ZNF891: variants seen among roughly 807,000 people sequenced by gnomAD.
ZNF891 encodes the protein hCG1646157.
For synonymous variants in ZNF891, 199 were observed against 209.0 expected, an observed-to-expected ratio of 0.95 and a Z score of 0.41; for missense variants, 589 against 632.7, an observed-to-expected ratio of 0.93 and a Z score of 0.74.
intron 1 of ZNF891, among the ~76,000 whole-genome samples, chr12:133,128,914 C>T (rs373647742): frequency 6.6e-6 from 1 of 150,694 alleles, no homozygotes; most frequent in Non-Finnish European, 1.5e-5. Flanking sequence ...AACAAAAAAA[C>T]CAAAACCAAA....
At chr12:133,126,473 CAAAAAAAAA>C (rs869209894) in intron 1 of ZNF891, among the ~76,000 whole-genome samples, 1 of 58,348 alleles carries the variant, frequency 1.7e-5, no homozygotes, top group Non-Finnish European at 3.3e-5. Flanking sequence ...GACTCCGTCT[CAAAAAAAAA>C]AAAAAAAAAA....
In ZNF891 at chr12:133,118,040, A is replaced by G. The variant is rs7967886; in HGVS notation, c.*2244T>C. 0.62 allele frequency: 93,656 copies of G among 149,984 alleles called. 30,406 individuals carry two copies. The highest frequency in any genetic ancestry group is 0.79 in the African/African-American group (32,438 of 40,942). The allele number at this position is 149,984 out of a possible 1,614,324, so 9.3% of individuals were successfully genotyped here. On this transcript the variant is annotated 3_prime_UTR_variant, in exon 2 of 2. Coordinates refer to ENST00000537226, the MANE Select transcript of ZNF891 (RefSeq NM_001277291.2). ...CATCTCACTGCAACCTCTGCCTCCC[A>G]GGTTCAAGTGATTCTTCTGCCTCAG...
Position 133,120,754 on chromosome 12 carries a change from T to G in ZNF891, c.1165A>C (p.Thr389Pro), listed in dbSNP as rs1214814113. The change falls in exon 2 of 2, where the codon ACA becomes CCA. Residue 389 changes from threonine to proline, a missense_variant. By Grantham distance (38) the Thr-to-Pro change is conservative. Transcript: ENST00000537226. ...GTTCTCATGTGAGCCTTAAGGGATG[T>G]TTTTTGACTGAAAGCTTTTCCACAT... ...NQCGKAFSQK[T>P]SLKAHMRTHT... The G allele has an allele frequency of 1.3e-6, 2 of 1,564,786 alleles. No individual in the cohort carries two copies. The highest frequency in any genetic ancestry group is 1.7e-6 in the Non-Finnish European group (2 of 1,156,116).
At position 133,106,783 on chromosome 12, in the gene ZNF891, T is replaced by C. The variant is rs927306325; in HGVS notation, c.*13501A>G. On this transcript the variant is annotated 3_prime_UTR_variant, in exon 2 of 2. Coordinates refer to ENST00000537226, the MANE Select transcript of ZNF891 (RefSeq NM_001277291.2). ...CTGTGAAGTAATATGGCCCACACTT[T>C]ATTCACCACCCTGGAGAAAAAAAAA... is the stretch of plus-strand genomic sequence containing the variant. The C allele has an allele frequency of 1.3e-6, 1 of 758,642 alleles. No homozygotes were observed. The highest frequency in any genetic ancestry group is 1.8e-5 in the African/African-American group (1 of 55,726). The allele number at this position is 758,642 out of a possible 1,614,324, so 47.0% of individuals were successfully genotyped here. A position where few individuals can be genotyped will look rare whatever the true frequency, so the allele number is the denominator to read the frequency against.
chr12:133,122,052 A>G, intron 1 of ZNF891, 28 bp from the exon 2 acceptor site: 1 of 1,410,036 alleles, frequency 7.1e-7, no homozygotes, highest in East Asian at 2.5e-5. Context: ...AGTTCAGGTA[A>G]AAGAAGAAAG....
Position 133,111,521 on chromosome 12 carries a change from A to G in ZNF891, c.*8763T>C, listed in dbSNP as rs1955682408. 1 of 152,206 alleles carries G rather than the reference A, an allele frequency of 6.6e-6. No individual in the cohort carries two copies. The highest frequency in any genetic ancestry group is 2.1e-4 in the South Asian group (1 of 4,834). 9.4% of individuals were successfully genotyped at this position (152,206 alleles called of 1,614,324 possible). On this transcript the variant is annotated 3_prime_UTR_variant, in exon 2 of 2. Transcript: ENST00000537226. Reference sequence around the variant, plus strand: ...TCAAAAAAAGGGAGAAATAAATATTACAGAAATAATTTTTTAAAATAAATT... The same window carrying G: ...TCAAAAAAAGGGAGAAATAAATATTGCAGAAATAATTTTTTAAAATAAATT...
At chr12:133,123,708 T>G (rs1359634332) in intron 1 of ZNF891, among the ~76,000 whole-genome samples, 1 of 147,656 alleles carries the variant, frequency 6.8e-6, no homozygotes, top group Non-Finnish European at 1.5e-5. Context: ...ATCCTTTGCT[T>G]GAAAAAAAAA....
Position 133,106,134 on chromosome 12 carries a change from C to T in ZNF891, c.*14150G>A. 2 of 1,614,114 alleles carry T rather than the reference C, an allele frequency of 1.2e-6. No homozygotes were observed. Among genetic ancestry groups the T allele is most frequent in the Non-Finnish European group, 1.7e-6 (2 of 1,180,010 alleles). On this transcript the variant is annotated 3_prime_UTR_variant, in exon 2 of 2. Transcript: ENST00000537226. ...TGTGGTAAAGCATTTAGCAGTGGCT[C>T]AGAACTCATTCGCCACCAGATTACA... is the stretch of plus-strand genomic sequence containing the variant.
rs879403008 is a variant in ZNF891 at position 133,109,065 on chromosome 12, G to T, written c.*11219C>A. ...GTGGCTCAAGAAAATTCTTCTTCTG[G>T]TGTAGCCCAGGGAAGCCAAAAGATT... On this transcript the variant is annotated 3_prime_UTR_variant, in exon 2 of 2. Transcript: ENST00000537226. The T allele has an allele frequency of 6.6e-6, 1 of 152,176 alleles. No individual in the cohort carries two copies. Among genetic ancestry groups the T allele is most frequent in the African/African-American group, 2.4e-5 (1 of 41,448 alleles). 9.4% of individuals were successfully genotyped at this position (152,176 alleles called of 1,614,324 possible).
In ZNF891 at chr12:133,121,348, A is replaced by G. The variant is rs1240211839; in HGVS notation, c.571T>C (p.Tyr191His). ...KTVPQELFRD[Y>H]HELEENSKLG... ...TTAGAGTTTTCCTCTAATTCATGAT[A>G]GTCACGGAATAGCTCCTGAGGTACT... Residue 191 changes from tyrosine (Y) to histidine (H), a missense_variant, in exon 2 of 2, where the codon TAT (tyrosine) becomes CAT (histidine). Physicochemically the swap from Tyr to His is moderately conservative, Grantham distance 83. Coordinates refer to ENST00000537226, the MANE Select transcript of ZNF891 (RefSeq NM_001277291.2). 1 of 1,536,084 alleles carries G rather than the reference A, an allele frequency of 6.5e-7. No homozygotes were observed. The highest frequency in any genetic ancestry group is 2.0e-5 in the Admixed American group (1 of 51,002).
intron 1 of ZNF891, chr12:133,125,589 A>G (rs1955807088): frequency 4.5e-6 from 1 of 223,586 alleles, no homozygotes; most frequent in Non-Finnish European, 8.8e-6. Context: ...GCAACAAAAA[A>G]AAAGAAGATC....
Position 133,120,465 on chromosome 12 carries a change from T to TATGGAGTTCATAAGAA in ZNF891, c.1453_1454insTTCTTATGAACTCCAT (p.Glu485ValfsTer10). 6.2e-7 allele frequency: 1 copy of TATGGAGTTCATAAGAA among 1,604,680 alleles called. No individual in the cohort carries two copies. Among genetic ancestry groups the TATGGAGTTCATAAGAA allele is most frequent in the Non-Finnish European group, 8.5e-7 (1 of 1,175,974 alleles). On this transcript the variant is annotated frameshift_variant, in exon 2 of 2. Coordinates refer to ENST00000537226, the MANE Select transcript of ZNF891 (RefSeq NM_001277291.2). LOFTEE classifies it low-confidence loss of function (END_TRUNC). Reference sequence around the variant, plus strand: ...ACATTCCTTACATTCATAGGGTTTCTCTCCAGTGTGAGTTCTTATATGCAT... The same window carrying TATGGAGTTCATAAGAA: ...ACATTCCTTACATTCATAGGGTTTCTATGGAGTTCATAAGAACTCCAGTGTGAGTTCTTATATGCAT...
At chr12:133,128,370 G>A (rs1157843694) in intron 1 of ZNF891, among the ~76,000 whole-genome samples, 3 of 152,140 alleles carry the variant, frequency 2.0e-5, no homozygotes, top group Non-Finnish European at 2.9e-5. Context: ...GGTGGCTCAC[G>A]CCTGTAATCC....
Position 133,106,211 on chromosome 12 carries a change from C to A in ZNF891, c.*14073G>T, listed in dbSNP as rs202114710. 3 of 1,613,974 alleles carry A rather than the reference C, an allele frequency of 1.9e-6. No individual in the cohort carries two copies. Among genetic ancestry groups the A allele is most frequent in the Non-Finnish European group, 1.7e-6 (2 of 1,180,018 alleles). On this transcript the variant is annotated 3_prime_UTR_variant, in exon 2 of 2. Transcript: ENST00000537226. Reference sequence around the variant, plus strand: ...CATTGAATGTGGGAAGGCATTTCGCCGTTTCTCACACCTTACTCGACATCA... The same window carrying A: ...CATTGAATGTGGGAAGGCATTTCGCAGTTTCTCACACCTTACTCGACATCA...
chr12:133,121,177 G>A lies in ZNF891; in HGVS notation c.742C>T (p.His248Tyr), dbSNP rs766020609. 4 of 1,535,330 alleles carry A rather than the reference G, an allele frequency of 2.6e-6. No individual in the cohort carries two copies. In the East Asian group the frequency reaches 9.8e-5, roughly 38 times the overall value. Residue 248 changes from histidine to tyrosine, a missense_variant, in exon 2 of 2, where the codon CAT (histidine) becomes TAT (tyrosine). Transcript: ENST00000537226. Reference protein sequence around the residue: ...NSISEKLYESHECDTTLWHFQ... With the variant: ...NSISEKLYESYECDTTLWHFQ... ...TGCCATAGAGTTGTATCACATTCAT[G>A]ACTTTCATAGAGCTTCTCACTTATA...
Position 133,121,017 on chromosome 12 carries a change from G to T in ZNF891, c.902C>A (p.Thr301Lys). The change falls in exon 2 of 2, where the codon ACG (threonine) becomes AAG (lysine). Residue 301 changes from threonine (T) to lysine (K), a missense_variant. Transcript: ENST00000537226. ...QNACECNKDE[T>K]LCHQSSLKKQ... is the part of the protein sequence containing the mutation. The stretch of plus-strand genomic sequence containing the variant: ...CTTAAGGGATGATTGATGACACAGC[G>T]TTTCATCTTTATTACATTCACAGGC... 1 of 1,535,608 alleles carries T rather than the reference G, an allele frequency of 6.5e-7. No individual in the cohort carries two copies. The highest frequency in any genetic ancestry group is 8.7e-7 in the Non-Finnish European group (1 of 1,146,848).
chr12:133,120,245 C>T lies in ZNF891; in HGVS notation c.*39G>A. 1 of 1,470,080 alleles carries T rather than the reference C, an allele frequency of 6.8e-7. No individual in the cohort carries two copies. Among genetic ancestry groups the T allele is most frequent in the Non-Finnish European group, 9.1e-7 (1 of 1,104,832 alleles). The allele number at this position is 1,470,080 out of a possible 1,614,324, so 91.1% of individuals were successfully genotyped here. On this transcript the variant is annotated 3_prime_UTR_variant, in exon 2 of 2. Transcript: ENST00000537226. ...CTGAGACAAGGAGCTTGGAATCCAC[C>T]TTAAGACAATGAAAACAGCAATTCC... is the stretch of plus-strand genomic sequence containing the variant.
chr12:133,127,882 G>GA (rs1955832348), intron 1 of ZNF891, among the ~76,000 whole-genome samples: 1 of 152,066 alleles, frequency 6.6e-6, no homozygotes, highest in African/African-American at 2.4e-5. Context: ...ATAGATTTAA[G>GA]AAAAACTAAG....
rs1261048042 is a variant in ZNF891, at chr12:133,116,693, A to AC, written c.*3590dup. ...CTCAGGCCAAAGCCAGAAACCCTAA[A>AC]CCCCTGCCCTTCTGGAGACTCTTTC... On this transcript the variant is annotated 3_prime_UTR_variant, in exon 2 of 2. Coordinates refer to ENST00000537226, the MANE Select transcript of ZNF891 (RefSeq NM_001277291.2). 1 of 151,916 alleles carries AC rather than the reference A, an allele frequency of 6.6e-6. No individual in the cohort carries two copies. The highest frequency in any genetic ancestry group is 1.5e-5 in the Non-Finnish European group (1 of 68,054). The allele number at this position is 151,916 out of a possible 1,614,324, so 9.4% of individuals were successfully genotyped here. A position where few individuals can be genotyped will look rare whatever the true frequency, so the allele number is the denominator to read the frequency against.
Sources: allele counts gnomAD v4.1 joint callset (sites outside exome capture counted in the v4.1 genomes callset), GRCh38; gene constraint gnomAD v4.1.1; transcripts MANE v1.5; gene names NCBI Gene and HGNC (gene_info 2026-07-23, HGNC 2026-07-21).